Variants in GALC observed in about 807,000 individuals in gnomAD.
The protein encoded by GALC is galactosylceramidase, also known as galactocerebrosidase.
Under a neutral mutation model 91.8 loss-of-function variants are expected in GALC, and 77 were observed. That is an observed-to-expected ratio of 0.84 (90% CI 0.70 to 1.01). GALC has a LOEUF of 1.01. GALC is among the 50% of genes least tolerant of loss of function. The pLI, the probability that GALC is intolerant of heterozygous loss-of-function variation, is 0.00. For missense variants in GALC, 882 were observed against 855.9 expected, an observed-to-expected ratio of 1.03 and a Z score of -0.38; for synonymous variants, 357 against 306.7, an observed-to-expected ratio of 1.16 and a Z score of -1.71.
intron 10 of GALC, among the ~76,000 whole-genome samples, chr14:87,961,896 C>T (rs530360457): frequency 5.9e-5 from 9 of 152,334 alleles, no homozygotes; most frequent in Middle Eastern, 3.4e-3. Flanking sequence ...AAAACCTCCT[C>T]ATCCCTTCCT....
At chr14:87,938,091 C>T (rs1444914089) in intron 16 of GALC, among the ~76,000 whole-genome samples, 1 of 151,734 alleles carries the variant, frequency 6.6e-6, no homozygotes, top group Non-Finnish European at 1.5e-5. Flanking sequence ...AGGAAGTTGC[C>T]CCACCAGATA....
Position 87,984,452 on chromosome 14 carries a change from A to G in GALC, c.524T>C (p.Val175Ala), listed in dbSNP as rs1209613107. The G allele has an allele frequency of 6.2e-7, 1 of 1,614,066 alleles. No homozygotes were observed. Among genetic ancestry groups the G allele is most frequent in the Non-Finnish European group, 8.5e-7 (1 of 1,180,014 alleles). ...YVNLQLTAYY[V>A]VTWIVGAKRY... ...CTTGGCGCCCACAATCCAGGTCACG[A>G]CATAATAGGCAGTCAGCTGAAGATT... The change falls in exon 5 of 17, where the codon GTC becomes GCC. Residue 175 changes from valine to alanine, a missense_variant. Physicochemically the swap from Val to Ala is moderately conservative, Grantham distance 64. Transcript: ENST00000261304.
At chr14:87,941,075 ATT>A (rs1025726512) in intron 15 of GALC, among the ~76,000 whole-genome samples, 2 of 151,920 alleles carry the variant, frequency 1.3e-5, no homozygotes, top group African/African-American at 4.8e-5. Context: ...CCTCCTGAGC[ATT>A]CTCTCCCTAC....
At chr14:87,971,000 A>G (rs1054980858) in intron 7 of GALC, among the ~76,000 whole-genome samples, 2 of 152,188 alleles carry the variant, frequency 1.3e-5, no homozygotes, top group Non-Finnish European at 2.9e-5. Context: ...CAATGAAAGT[A>G]AACCAACTTT....
chr14:87,952,077 A>C (rs1180589446), intron 10 of GALC, among the ~76,000 whole-genome samples: 1 of 151,856 alleles, frequency 6.6e-6, no homozygotes, highest in South Asian at 2.1e-4. Flanking sequence ...TTTTTTAAAA[A>C]GTAAAAATAA....
At chr14:87,955,049 T>TA in intron 10 of GALC, 1 of 1,350,984 alleles carries the variant, frequency 7.4e-7, no homozygotes, top group Non-Finnish European at 1.1e-6. Flanking sequence ...GCAGACCTGT[T>TA]ACACTCCTTG....
chr14:87,972,888 G>C (rs1008854198), intron 7 of GALC, among the ~76,000 whole-genome samples: 1 of 151,848 alleles, frequency 6.6e-6, no homozygotes, highest in Non-Finnish European at 1.5e-5. Flanking sequence ...TATAACTTAA[G>C]TAAACCTTAC....
intron 6 of GALC, among the ~76,000 whole-genome samples, chr14:87,978,475 T>G (rs77282353): frequency 0.11 from 17,208 of 152,276 alleles, 1,145 homozygotes; most frequent in Non-Finnish European, 0.16. Flanking sequence ...TTTTTATACA[T>G]TGTATTTGAA....
intron 7 of GALC, among the ~76,000 whole-genome samples, chr14:87,974,014 A>G (rs1886397111): frequency 6.6e-6 from 1 of 152,216 alleles, no homozygotes; most frequent in African/African-American, 2.4e-5. Flanking sequence ...TGCAAAGTAA[A>G]CAAATCACAT....
At chr14:87,949,715 C>CT in intron 12 of GALC, 130 bp downstream of exon 12, 5 of 591,690 alleles carry the variant, frequency 8.5e-6, no homozygotes. Flanking sequence ...AACTAAATGT[C>CT]TAAGAGCTAA....
At chr14:87,993,504 G>A (rs773797101), upstream of GALC, 43 of 1,530,680 alleles carry the variant, frequency 2.8e-5, no homozygotes, top group Non-Finnish European at 3.7e-5. Flanking sequence ...CAGCATCTCA[G>A]GGAGTATCTA....
chr14:87,969,364 C>T (rs751501228), intron 7 of GALC, among the ~76,000 whole-genome samples: 32 of 152,098 alleles, frequency 2.1e-4, no homozygotes, highest in African/African-American at 6.8e-4. Flanking sequence ...AAAATGAATG[C>T]CTCCTTCACT....
In GALC at chr14:87,963,437, A is replaced by T; in HGVS notation, c.1108T>A (p.Tyr370Asn). Residue 370 changes from tyrosine to asparagine, a missense_variant, in exon 10 of 17, where the codon TAC becomes AAC. Transcript: ENST00000261304. ...CCTAAGCCATCAGTCAGAGCTACGTAGCTTCCTCCTTTCTCTAAATGGCCA... is the reference window on the plus strand; with the variant it reads ...CCTAAGCCATCAGTCAGAGCTACGTTGCTTCCTCCTTTCTCTAAATGGCCA... ...TVGHLEKGGS[Y>N]VALTDGLGNL... 6.2e-7 allele frequency: 1 copy of T among 1,613,456 alleles called. No homozygotes were observed. Among genetic ancestry groups the T allele is most frequent in the Non-Finnish European group, 8.5e-7 (1 of 1,179,446 alleles).
intron 8 of GALC, among the ~76,000 whole-genome samples, chr14:87,967,316 T>C (rs413420): frequency 0.46 from 70,182 of 152,008 alleles, 16,445 homozygotes; most frequent in African/African-American, 0.49. Flanking sequence ...ATCATAAGAC[T>C]GTAGGTGATT....
intron 10 of GALC, chr14:87,955,106 T>C (rs1371424912): frequency 4.4e-6 from 6 of 1,354,618 alleles, no homozygotes; most frequent in South Asian, 1.2e-5. Flanking sequence ...CAGAGCCTTT[T>C]TGTGTTAGAT....
chr14:87,987,940 T>C (rs886074740), intron 3 of GALC: 12 of 566,318 alleles, frequency 2.1e-5, no homozygotes, highest in Non-Finnish European at 3.1e-5. Context: ...AATTTGAAGT[T>C]TGAATATTGT....
chr14:87,969,389 G>A (rs2140003367), intron 7 of GALC, among the ~76,000 whole-genome samples: 1 of 152,284 alleles, frequency 6.6e-6, no homozygotes, highest in Non-Finnish European at 1.5e-5. Context: ...CATTCGATGG[G>A]AGGGGAGTCA....
chr14:87,992,819 G>C, intron 1 of GALC, 151 bp downstream of exon 1: 1 of 1,401,540 alleles, frequency 7.1e-7, no homozygotes, highest in Middle Eastern at 2.7e-4. Context: ...CAGCGGGCCC[G>C]CCCCAACCGC....
chr14:87,971,536 A>T, intron 7 of GALC, among the ~76,000 whole-genome samples: 1 of 152,218 alleles, frequency 6.6e-6, no homozygotes, highest in Non-Finnish European at 1.5e-5. Context: ...CCACAATAAA[A>T]CACATAAATG....
Sources: allele counts gnomAD v4.1 joint callset (sites outside exome capture counted in the v4.1 genomes callset), GRCh38; gene constraint gnomAD v4.1.1; transcripts MANE v1.5; gene names NCBI Gene and HGNC (gene_info 2026-07-23, HGNC 2026-07-21).